Variants in NEK3 observed in about 807,000 individuals in gnomAD.
NEK3 encodes serine/threonine-protein kinase Nek3.
In NEK3, 54 loss-of-function variants were observed where a neutral mutation model predicts 66.0. That is an observed-to-expected ratio of 0.82 (90% CI 0.66 to 1.03). NEK3 has a LOEUF of 1.03. NEK3 is among the 50% of genes least tolerant of loss of function. The pLI, the probability that NEK3 is intolerant of heterozygous loss-of-function variation, is 0.00. For missense variants in NEK3, 593 were observed against 603.0 expected, an observed-to-expected ratio of 0.98 and a Z score of 0.17; for synonymous variants, 200 against 206.2, an observed-to-expected ratio of 0.97 and a Z score of 0.26.
chr13:52,140,883 T>TCA, intron 11 of NEK3, 137 bp downstream of exon 11: 1 of 567,364 alleles, frequency 1.8e-6, no homozygotes, highest in Non-Finnish European at 3.0e-6. Flanking sequence ...TGGCGCAATC[T>TCA]AGGCTCACTG....
intron 14 of NEK3, 79 bp from the exon 15 acceptor site, chr13:52,133,894 T>C: frequency 1.4e-6 from 2 of 1,419,926 alleles, no homozygotes; most frequent in African/African-American, 1.4e-5. Context: ...AAATCCTCCG[T>C]AAGCTTGCTG....
chr13:52,154,141 CTCCT>C lies in NEK3; in HGVS notation c.146_149del (p.Lys49ArgfsTer5), dbSNP rs755498038. 2 of 1,610,768 alleles carry C rather than the reference CTCCT, an allele frequency of 1.2e-6. No homozygotes were observed. The highest frequency in any genetic ancestry group is 1.7e-6 in the Non-Finnish European group (2 of 1,178,028). On this transcript the variant is annotated frameshift_variant, in exon 3 of 16. Coordinates refer to ENST00000610828, the MANE Select transcript of NEK3 (RefSeq NM_002498.3). LOFTEE classifies it high-confidence loss of function. ...GTTTCATTTTGGCTAAAAGAACAGC[CTCCT>C]TCCTAGAATTCTGTGTATTAGAGAA...
chr13:52,140,049 C>CA (rs34051162), intron 11 of NEK3, among the ~76,000 whole-genome samples: 45,881 of 86,578 alleles, frequency 0.53, 11,863 homozygotes, highest in Middle Eastern at 0.64. Context: ...AAAAAAATGC[C>CA]AAAAAAAAAA....
Position 52,136,140 on chromosome 13 carries a change from T to C in NEK3, c.1150A>G (p.Ser384Gly). 4 of 1,613,814 alleles carry C rather than the reference T, an allele frequency of 2.5e-6. No individual in the cohort carries two copies. Among genetic ancestry groups the C allele is most frequent in the Non-Finnish European group, 3.4e-6 (4 of 1,179,730 alleles). The change falls in exon 13 of 16, where the codon AGT becomes GGT. Residue 384 changes from serine to glycine, a missense_variant. Transcript: ENST00000610828. ...ALENASILTS[S>G]LTAEDDRGGS... Reference sequence around the variant, plus strand: ...CCTCTATCGTCCTCTGCTGTTAAACTGGAGGTGAGTATGGATGCATTTTCC... The same window carrying C: ...CCTCTATCGTCCTCTGCTGTTAAACCGGAGGTGAGTATGGATGCATTTTCC...
At chr13:52,158,100 C>T (rs890543978) in intron 1 of NEK3, among the ~76,000 whole-genome samples, 2 of 152,224 alleles carry the variant, frequency 1.3e-5, no homozygotes, top group Admixed American at 6.5e-5. Context: ...TGGGCTCGAA[C>T]TCCCGACCTC....
chr13:52,156,146 C>T lies in NEK3; in HGVS notation c.46G>A (p.Gly16Ser), dbSNP rs756732654. 7 of 1,606,320 alleles carry T rather than the reference C, an allele frequency of 4.4e-6. No individual in the cohort carries two copies. Among genetic ancestry groups the T allele is most frequent in the Admixed American group, 1.7e-5 (1 of 59,092 alleles). ...VLRMIGEGSF[G>S]RALLVQHESS... ...TCATGCTGAACCAAAAGAGCTCTGCCGAAGGAGCCCTCCCCAATCATTCTC... is the reference window on the plus strand; with the variant it reads ...TCATGCTGAACCAAAAGAGCTCTGCTGAAGGAGCCCTCCCCAATCATTCTC... Residue 16 changes from glycine (G) to serine (S), a missense_variant, in exon 2 of 16, where the codon GGC becomes AGC. Physicochemically the swap from Gly to Ser is moderately conservative, Grantham distance 56. Coordinates refer to ENST00000610828, the MANE Select transcript of NEK3 (RefSeq NM_002498.3).
At chr13:52,142,245 A>T (rs1213521255) in intron 10 of NEK3, among the ~76,000 whole-genome samples, 1 of 152,092 alleles carries the variant, frequency 6.6e-6, no homozygotes, top group Non-Finnish European at 1.5e-5. Flanking sequence ...CCTATGCTAA[A>T]GCAAACTGGT....
At chr13:52,148,860 CCA>C (rs1012946231) in intron 7 of NEK3, among the ~76,000 whole-genome samples, 9 of 152,132 alleles carry the variant, frequency 5.9e-5, no homozygotes, top group Non-Finnish European at 1.2e-4. Flanking sequence ...TCTCTACTTC[CCA>C]CACAGTCTGC....
Position 52,133,088 on chromosome 13 carries a change from G to T in NEK3, c.*54C>A. On this transcript the variant is annotated 3_prime_UTR_variant, in exon 16 of 16. Coordinates refer to ENST00000610828, the MANE Select transcript of NEK3 (RefSeq NM_002498.3). ...CATGAACTCATGATCATCTCAGCAT[G>T]AACTCCTGAGTGAAGCCTCTCCTCA... 2 of 1,361,500 alleles carry T rather than the reference G, an allele frequency of 1.5e-6. No homozygotes were observed. The highest frequency in any genetic ancestry group is 2.1e-6 in the Non-Finnish European group (2 of 965,510). 84.3% of individuals were successfully genotyped at this position (1,361,500 alleles called of 1,614,324 possible).
At chr13:52,133,602 G>C in intron 15 of NEK3, 87 bp downstream of exon 15, 5 of 1,326,558 alleles carry the variant, frequency 3.8e-6, no homozygotes, top group Non-Finnish European at 5.0e-6. Flanking sequence ...AAATTATCAT[G>C]GTCTAATTTA....
At position 52,136,142 on chromosome 13, in the gene NEK3, G is replaced by C; in HGVS notation, c.1148C>G (p.Ser383Cys). The change falls in exon 13 of 16, where the codon TCC (serine) becomes TGC (cysteine). Residue 383 changes from serine to cysteine, a missense_variant. By Grantham distance (112) the Ser-to-Cys change is moderately radical. Coordinates refer to ENST00000610828, the MANE Select transcript of NEK3 (RefSeq NM_002498.3). ...TCTATCGTCCTCTGCTGTTAAACTG[G>C]AGGTGAGTATGGATGCATTTTCCAA... ...TALENASILTSSLTAEDDRGG... is the reference protein window; with the variant it reads ...TALENASILTCSLTAEDDRGG... 6.2e-7 allele frequency: 1 copy of C among 1,613,764 alleles called. No individual in the cohort carries two copies.
At chr13:52,148,764 G>C (rs1482763502) in intron 7 of NEK3, among the ~76,000 whole-genome samples, 1 of 152,166 alleles carries the variant, frequency 6.6e-6, no homozygotes, top group Non-Finnish European at 1.5e-5. Context: ...GCTGGAAGAA[G>C]GACTCTGGAA....
In NEK3 at chr13:52,141,088, A is replaced by AGG. The variant is rs1379688778; in HGVS notation, c.878-20_878-19insCC. On this transcript the variant is annotated intron_variant, in intron 10 of 15. Coordinates refer to ENST00000610828, the MANE Select transcript of NEK3 (RefSeq NM_002498.3). ...GGGTTTGCTTTTAAAAGAGAGAGAG[A>AGG]AGGTAGAAAGATAAAACACATAAAG... The AGG allele has an allele frequency of 1.9e-6, 3 of 1,586,196 alleles. No homozygotes were observed. The African/African-American group carries it at 4.0e-5, about 21-fold the overall frequency.
intron 11 of NEK3, among the ~76,000 whole-genome samples, chr13:52,139,531 A>C (rs1392593553): frequency 6.6e-6 from 1 of 152,164 alleles, no homozygotes; most frequent in Non-Finnish European, 1.5e-5. Flanking sequence ...AATGTAATTA[A>C]CACCACTCAA....
At chr13:52,133,360 A>G in intron 15 of NEK3, 134 bp from the exon 16 acceptor site, 1 of 746,138 alleles carries the variant, frequency 1.3e-6, no homozygotes, top group Non-Finnish European at 2.2e-6. Flanking sequence ...CTGAAGGGAA[A>G]AAATTGCCAG....
Position 52,144,863 on chromosome 13 carries a change from A to G in NEK3, c.632T>C (p.Ile211Thr). 2.5e-6 allele frequency: 4 copies of G among 1,608,786 alleles called. No homozygotes were observed. Among genetic ancestry groups the G allele is most frequent in the Non-Finnish European group, 3.4e-6 (4 of 1,177,262 alleles). The stretch of plus-strand genomic sequence containing the variant: ...GATGCACCCTTGACATACTTTGAGG[A>G]TAAGATTTTTCCAACTATTTGCCTG... ...PFQANSWKNL[I>T]LKVCQGCISP... is the part of the protein sequence containing the mutation. Residue 211 changes from isoleucine (I) to threonine (T), a missense_variant, in exon 9 of 16, where the codon ATC becomes ACC. Coordinates refer to ENST00000610828, the MANE Select transcript of NEK3 (RefSeq NM_002498.3).
chr13:52,143,135 G>C (rs1956264599), intron 10 of NEK3, among the ~76,000 whole-genome samples: 1 of 152,066 alleles, frequency 6.6e-6, no homozygotes, highest in Admixed American at 6.6e-5. Context: ...TGATCAACAT[G>C]GTGAAACCCC....
At chr13:52,148,885 A>C (rs1956315922) in intron 7 of NEK3, among the ~76,000 whole-genome samples, 1 of 151,958 alleles carries the variant, frequency 6.6e-6, no homozygotes, top group Non-Finnish European at 1.5e-5. Flanking sequence ...GATGGCTCTA[A>C]GGGATAGGGT....
chr13:52,141,645 C>T lies in NEK3; in HGVS notation c.878-576G>A, dbSNP rs77328317. Among the ~76,000 whole-genome samples the T allele has an allele frequency of 3.9e-3, 598 of 152,230 alleles. 3 individuals are homozygous for T. Among genetic ancestry groups the T allele is most frequent in the African/African-American group, 0.013 (538 of 41,530 alleles). ...GATGCACTGAGAATACAAGAGTGAG[C>T]AAATCAGATGCAATCCCTGCCCTGT... On this transcript the variant is annotated intron_variant, in intron 10 of 15. Coordinates refer to ENST00000610828, the MANE Select transcript of NEK3 (RefSeq NM_002498.3).
Sources: gnomAD v4.1 joint callset for allele counts (sites outside exome capture counted in the v4.1 genomes callset) on GRCh38, gnomAD v4.1.1 for gene constraint, MANE v1.5 for transcripts, NCBI Gene and HGNC (gene_info 2026-07-23, HGNC 2026-07-21) for gene names.